The following GKAP1 variants were observed in gnomAD, a reference collection of about 807,000 sequenced individuals.
The protein encoded by GKAP1 is G kinase anchoring protein 1, also known as G kinase-anchoring protein 1.
In GKAP1, 31 loss-of-function variants were observed where a neutral mutation model predicts 56.7. The ratio of observed to expected loss-of-function variants is 0.55; its 90% CI spans 0.41 to 0.74. GKAP1 has a LOEUF of 0.74. GKAP1 is among the 30% of genes least tolerant of loss of function. GKAP1 has a pLI of 0.00. For missense variants in GKAP1, 364 were observed against 402.3 expected, an observed-to-expected ratio of 0.90 and a Z score of 0.82; for synonymous variants, 151 against 138.6, an observed-to-expected ratio of 1.09 and a Z score of -0.63.
rs949251116 is a variant in GKAP1 at position 83,775,053 on chromosome 9, T to C, written c.585+5329A>G. ...AGATGAAGTCTCACTCTGTCGCCCA[T>C]GCTAGAGTGCGGTGGTGCTATCATA... On this transcript the variant is annotated intron_variant, in intron 7 of 12. Transcript: ENST00000376371. 7.3e-5 allele frequency among the ~76,000 whole-genome samples: 11 copies of C among 150,630 alleles called. No homozygotes were observed. In the Admixed American group the frequency reaches 7.3e-4, roughly 10 times the overall value.
chr9:83,771,617 T>C (rs1424086452), intron 7 of GKAP1, among the ~76,000 whole-genome samples: 1 of 152,210 alleles, frequency 6.6e-6, no homozygotes, highest in Non-Finnish European at 1.5e-5. Flanking sequence ...ATAAACATCA[T>C]GAGAAGTTGA....
chr9:83,744,927 C>T (rs1183794631), intron 10 of GKAP1, among the ~76,000 whole-genome samples: 1 of 152,154 alleles, frequency 6.6e-6, no homozygotes, highest in Non-Finnish European at 1.5e-5. Context: ...TGAGAACTCA[C>T]TAACATGAGA....
chr9:83,814,704 T>C (rs1373924887), intron 2 of GKAP1, among the ~76,000 whole-genome samples: 1 of 152,272 alleles, frequency 6.6e-6, no homozygotes, highest in Admixed American at 6.5e-5. Flanking sequence ...AAATGTGCTC[T>C]ACAAGTAGAA....
At chr9:83,778,998 A>T (rs773385000) in intron 7 of GKAP1, among the ~76,000 whole-genome samples, 1 of 152,160 alleles carries the variant, frequency 6.6e-6, no homozygotes, top group East Asian at 1.9e-4. Flanking sequence ...GTCTTCTTTC[A>T]AATCAGGAAA....
intron 3 of GKAP1, among the ~76,000 whole-genome samples, chr9:83,805,485 A>T (rs914268001): frequency 2.0e-5 from 3 of 152,294 alleles, no homozygotes; most frequent in South Asian, 2.1e-4. Context: ...AAAATAAAAA[A>T]AAAACCATGT....
At chr9:83,761,909 C>T (rs968487861) in intron 8 of GKAP1, among the ~76,000 whole-genome samples, 3 of 152,004 alleles carry the variant, frequency 2.0e-5, no homozygotes, top group Non-Finnish European at 4.4e-5. Flanking sequence ...TATACCTCAA[C>T]ATAATAAAAG....
At chr9:83,803,392 G>A (rs1265079555) in intron 3 of GKAP1, among the ~76,000 whole-genome samples, 6 of 152,098 alleles carry the variant, frequency 3.9e-5, no homozygotes, top group Non-Finnish European at 7.4e-5. Flanking sequence ...GCCTGCGATT[G>A]CAGGCGTGTG....
intron 2 of GKAP1, among the ~76,000 whole-genome samples, chr9:83,806,916 T>C (rs1322724282): frequency 1.3e-5 from 2 of 152,190 alleles, no homozygotes; most frequent in East Asian, 1.9e-4. Context: ...TTTTTCATGA[T>C]ACACAAAAAA....
At chr9:83,773,197 C>T (rs542825520) in intron 7 of GKAP1, among the ~76,000 whole-genome samples, 2 of 152,140 alleles carry the variant, frequency 1.3e-5, no homozygotes, top group Non-Finnish European at 2.9e-5. Flanking sequence ...AGTGATACGG[C>T]TGAATTAACT....
chr9:83,739,843 G>T, intron 12 of GKAP1, 99 bp from the exon 13 acceptor site: 1 of 843,818 alleles, frequency 1.2e-6, no homozygotes. Context: ...TGGGGTATGA[G>T]AAGGAAGCAA....
chr9:83,772,356 A>G (rs1322162009), intron 7 of GKAP1, among the ~76,000 whole-genome samples: 2 of 152,154 alleles, frequency 1.3e-5, no homozygotes, highest in Non-Finnish European at 2.9e-5. Context: ...AGGATATAAG[A>G]GTGTTGTGCT....
chr9:83,806,321 T>G lies in GKAP1; in HGVS notation c.197A>C (p.Gln66Pro), dbSNP rs1564215682. Residue 66 changes from glutamine (Q) to proline (P), a missense_variant, in exon 3 of 13, where the codon CAA becomes CCA. Physicochemically the swap from Gln to Pro is moderately conservative, Grantham distance 76 (BLOSUM62 -1). Transcript: ENST00000376371. ...TGTTACCTCATTTGCTTCACTCTGTTGCTGTTCCTTCTTTTTTCTTCTTTT... is the reference window on the plus strand; with the variant it reads ...TGTTACCTCATTTGCTTCACTCTGTGGCTGTTCCTTCTTTTTTCTTCTTTT... ...REKRRKKKEQ[Q>P]QSEANELRNL... 6.5e-7 allele frequency: 1 copy of G among 1,550,376 alleles called. No individual in the cohort carries two copies. Among genetic ancestry groups the G allele is most frequent in the East Asian group, 2.4e-5 (1 of 40,910 alleles).
chr9:83,804,482 G>A (rs1326070570), intron 3 of GKAP1, among the ~76,000 whole-genome samples: 1 of 126,196 alleles, frequency 7.9e-6, no homozygotes, highest in Non-Finnish European at 1.7e-5. Context: ...GGGAAGTGAG[G>A]AGCCCCTCTG....
chr9:83,801,063 GTC>G (rs1248776379), intron 3 of GKAP1, among the ~76,000 whole-genome samples: 1 of 152,156 alleles, frequency 6.6e-6, no homozygotes, highest in Non-Finnish European at 1.5e-5. Context: ...TGGAAATTGG[GTC>G]TTTACAGATG....
chr9:83,773,889 T>C (rs1297168696), intron 7 of GKAP1, among the ~76,000 whole-genome samples: 2 of 152,212 alleles, frequency 1.3e-5, no homozygotes, highest in Non-Finnish European at 2.9e-5. Flanking sequence ...CACATGCAGC[T>C]ATAAAAAATT....
chr9:83,780,465 TA>T (rs200663185), intron 6 of GKAP1, 61 bp from the exon 7 acceptor site: 27,564 of 209,758 alleles, frequency 0.13, 585 homozygotes, highest in East Asian at 0.29. Flanking sequence ...TACAAAAATG[TA>T]AAAAAAAAAA....
intron 8 of GKAP1, among the ~76,000 whole-genome samples, chr9:83,753,619 CATATT>C (rs1342292995): frequency 3.3e-5 from 5 of 152,110 alleles, no homozygotes; most frequent in Non-Finnish European, 5.9e-5. Context: ...CTGGAACAAA[CATATT>C]AAAAGTGCTC....
chr9:83,786,929 C>A (rs911388768), intron 5 of GKAP1, among the ~76,000 whole-genome samples: 1 of 152,144 alleles, frequency 6.6e-6, no homozygotes, highest in Non-Finnish European at 1.5e-5. Flanking sequence ...CAAGAAGTCA[C>A]CTTTGTATAA....
chr9:83,739,804 C>T, intron 12 of GKAP1, 60 bp from the exon 13 acceptor site: 1 of 1,388,792 alleles, frequency 7.2e-7, no homozygotes, highest in Non-Finnish European at 1.0e-6. Flanking sequence ...GGGACCACTT[C>T]ATTTAAAAAA....
Sources: allele counts gnomAD v4.1 joint callset (sites outside exome capture counted in the v4.1 genomes callset), GRCh38; gene constraint gnomAD v4.1.1; transcripts MANE v1.5; gene names NCBI Gene and HGNC (gene_info 2026-07-23, HGNC 2026-07-21).